Variants in DNAJB14 observed in about 807,000 individuals in gnomAD.
DNAJB14 encodes the protein dnaJ homolog subfamily B member 14.
In DNAJB14, 22 loss-of-function variants were observed where a neutral mutation model predicts 48.4. That is an observed-to-expected ratio of 0.45 (90% CI 0.32 to 0.65). The LOEUF (loss-of-function observed/expected upper bound fraction) is 0.65, where lower values mean the gene tolerates loss of function less well. Among genes scored for constraint, DNAJB14 ranks in the 30% least tolerant of loss-of-function variants. DNAJB14 has a pLI of 0.03. For synonymous variants in DNAJB14, 142 were observed against 158.7 expected (o/e 0.89, Z 0.79); for missense variants, 319 against 458.8 (o/e 0.70, Z 2.78).
chr4:99,904,046 C>T (rs569277186), intron 6 of DNAJB14, 148 bp from the exon 7 acceptor site: 51 of 839,678 alleles, frequency 6.1e-5, no homozygotes, highest in Admixed American at 2.0e-4. Context: ...CTCTGAAATC[C>T]GAAATGCTCT....
intron 1 of DNAJB14, among the ~76,000 whole-genome samples, chr4:99,944,554 C>T (rs565002325): frequency 1.2e-4 from 18 of 151,134 alleles, no homozygotes; most frequent in Middle Eastern, 3.4e-3. Context: ...AGTTTTTTTA[C>T]TGTAGCTTTT....
chr4:99,945,974 G>C (rs78374504), intron 1 of DNAJB14, among the ~76,000 whole-genome samples: 1,865 of 152,310 alleles, frequency 0.012, 13 homozygotes, highest in Middle Eastern at 0.041. Flanking sequence ...TTTGGGAACA[G>C]TTTTCTACAG....
intron 3 of DNAJB14, among the ~76,000 whole-genome samples, chr4:99,912,715 G>A (rs1402544338): frequency 1.3e-5 from 2 of 152,150 alleles, no homozygotes; most frequent in African/African-American, 4.8e-5. Flanking sequence ...CCGATCTCAG[G>A]TGATCTGCCC....
intron 3 of DNAJB14, among the ~76,000 whole-genome samples, chr4:99,914,396 A>T (rs1725775333): frequency 6.6e-6 from 1 of 152,190 alleles, no homozygotes; most frequent in Non-Finnish European, 1.5e-5. Context: ...TCGCAAGGAC[A>T]AAAAACCAAA....
chr4:99,915,707 G>A (rs1367609561), intron 3 of DNAJB14, among the ~76,000 whole-genome samples: 1 of 152,152 alleles, frequency 6.6e-6, no homozygotes, highest in Non-Finnish European at 1.5e-5. Flanking sequence ...GTCTGCTGTT[G>A]TTGAGCGGTA....
rs891265818 is a variant in DNAJB14 at position 99,922,843 on chromosome 4, G to C, written c.451+197C>G. ...GAGACTGTATCAGAACTGGAATGTT[G>C]CTTTTGTGAAGCCAAACTGCATTTG... is the stretch of plus-strand genomic sequence containing the variant. On this transcript the variant is annotated intron_variant, in intron 3 of 7. Coordinates refer to ENST00000442697, the MANE Select transcript of DNAJB14 (RefSeq NM_001031723.4). 4 of 518,660 alleles carry C rather than the reference G, an allele frequency of 7.7e-6. No homozygotes were observed. In the African/African-American group the frequency reaches 7.8e-5, roughly 10 times the overall value. The allele number at this position is 518,660 out of a possible 1,614,324, so 32.1% of individuals were successfully genotyped here.
At chr4:99,906,338 C>T (rs1160948037) in intron 5 of DNAJB14, among the ~76,000 whole-genome samples, 179 bp downstream of exon 5, 4 of 152,134 alleles carry the variant, frequency 2.6e-5, no homozygotes, top group Non-Finnish European at 5.9e-5. Flanking sequence ...CCAACCACCC[C>T]TGGCTGACCT....
chr4:99,924,535 A>G, intron 2 of DNAJB14: 2 of 459,330 alleles, frequency 4.4e-6, no homozygotes, highest in Non-Finnish European at 7.2e-6. Context: ...ACTTAAAAAC[A>G]TTAACATACA....
chr4:99,945,629 C>T (rs1389777881), intron 1 of DNAJB14, among the ~76,000 whole-genome samples: 3 of 152,090 alleles, frequency 2.0e-5, no homozygotes, highest in Admixed American at 6.6e-5. Flanking sequence ...CAAATGAATC[C>T]TGCACCTCTA....
intron 1 of DNAJB14, among the ~76,000 whole-genome samples, chr4:99,935,424 G>A (rs1456872380): frequency 3.3e-5 from 5 of 152,154 alleles, no homozygotes; most frequent in African/African-American, 1.2e-4. Flanking sequence ...TAGAATGAAT[G>A]GAGCTTAGTT....
chr4:99,911,347 T>C (rs1725653787), intron 3 of DNAJB14, among the ~76,000 whole-genome samples: 1 of 152,148 alleles, frequency 6.6e-6, no homozygotes, highest in South Asian at 2.1e-4. Flanking sequence ...ATAAAATTGC[T>C]ATATATATTC....
Position 99,903,785 on chromosome 4 carries a change from C to A in DNAJB14, c.956G>T (p.Ser319Ile). 6.2e-7 allele frequency: 1 copy of A among 1,612,778 alleles called. No individual in the cohort carries two copies. The highest frequency in any genetic ancestry group is 8.5e-7 in the Non-Finnish European group (1 of 1,179,338). ...ATTAGTCACATAATCTTCCTCCACA[C>A]TCTTTTCTACCTTTTGTAATAACAT... ...KGMLLQKVEKSVEEDYVTNIR... is the reference protein window; with the variant it reads ...KGMLLQKVEKIVEEDYVTNIR... The change falls in exon 7 of 8, where the codon AGT becomes ATT. Residue 319 changes from serine to isoleucine, a missense_variant. By Grantham distance (142) the Ser-to-Ile change is moderately radical. This residue lies in a region of DNAJB14 where 166 missense variants were observed against 236.3 expected (regional missense o/e 0.70). Coordinates refer to ENST00000442697, the MANE Select transcript of DNAJB14 (RefSeq NM_001031723.4).
At chr4:99,918,517 A>G (rs910514212) in intron 3 of DNAJB14, among the ~76,000 whole-genome samples, 3 of 152,162 alleles carry the variant, frequency 2.0e-5, no homozygotes, top group African/African-American at 7.2e-5. Context: ...TCTTATTTAC[A>G]TATTTTGTTT....
At chr4:99,901,190 AT>A in intron 7 of DNAJB14, 38 bp from the exon 8 acceptor site, 2 of 1,548,540 alleles carry the variant, frequency 1.3e-6, no homozygotes, top group Non-Finnish European at 1.7e-6. Context: ...ATTGAATAAA[AT>A]TTTTGTCACC....
chr4:99,898,843 T>C lies in DNAJB14; in HGVS notation c.*2185A>G, dbSNP rs1415997460. On this transcript the variant is annotated 3_prime_UTR_variant, in exon 8 of 8. Transcript: ENST00000442697. ...TCAAGATATCCAAACTCTTCTTACT[T>C]TATAAAGTTAACTCCAAATTATAAG... is the stretch of plus-strand genomic sequence containing the variant. 1 of 151,934 alleles carries C rather than the reference T, an allele frequency of 6.6e-6. No individual in the cohort carries two copies. Among genetic ancestry groups the C allele is most frequent in the African/African-American group, 2.4e-5 (1 of 41,436 alleles). The allele number at this position is 151,934 out of a possible 1,614,324, so 9.4% of individuals were successfully genotyped here.
chr4:99,904,065 A>T (rs933411008), intron 6 of DNAJB14, among the ~76,000 whole-genome samples, 167 bp from the exon 7 acceptor site: 11 of 152,154 alleles, frequency 7.2e-5, no homozygotes, highest in Non-Finnish European at 1.0e-4. Flanking sequence ...CTAAAATCTA[A>T]GACTTTCTGA....
chr4:99,906,455 A>T (rs1225223676), intron 5 of DNAJB14, 62 bp downstream of exon 5: 1 of 1,490,072 alleles, frequency 6.7e-7, no homozygotes, highest in African/African-American at 1.4e-5. Context: ...CTTTTCAGAC[A>T]ACTCTAATTA....
Position 99,897,571 on chromosome 4 carries a change from A to G in DNAJB14, c.*3457T>C, listed in dbSNP as rs1160637315. 1 of 151,994 alleles carries G rather than the reference A, an allele frequency of 6.6e-6. No homozygotes were observed. The highest frequency in any genetic ancestry group is 2.4e-5 in the African/African-American group (1 of 41,442). The allele number at this position is 151,994 out of a possible 1,614,324, so 9.4% of individuals were successfully genotyped here. A position where few individuals can be genotyped will look rare whatever the true frequency, so the allele number is the denominator to read the frequency against. On this transcript the variant is annotated 3_prime_UTR_variant, in exon 8 of 8. Coordinates refer to ENST00000442697, the MANE Select transcript of DNAJB14 (RefSeq NM_001031723.4). The stretch of plus-strand genomic sequence containing the variant: ...TTTGTAACTAAAAATTAGAATTTAA[A>G]ATGTTGGAAATTATTGCCAGACAAG...
rs61741259 is a variant in DNAJB14 at position 99,923,069 on chromosome 4, T to C, written c.422A>G (p.His141Arg). 7.0e-3 allele frequency: 11,276 copies of C among 1,609,836 alleles called. 613 individuals carry two copies. In the African/African-American group the frequency reaches 0.12, roughly 18 times the overall value. The part of the protein sequence containing the change: ...LALKFHPDKN[H>R]APGATDAFKK... ...AAAAGCATCTGTTGCTCCAGGTGCA[T>C]GGTTTTTGTCTGGATGAAACTTCAA... Residue 141 changes from histidine to arginine, a missense_variant, in exon 3 of 8, where the codon CAT becomes CGT. By Grantham distance (29) the His-to-Arg change is conservative. This residue lies in a region of DNAJB14 where 37 missense variants were observed against 87.8 expected (regional missense o/e 0.42). Transcript: ENST00000442697.
Sources: allele counts gnomAD v4.1 joint callset (sites outside exome capture counted in the v4.1 genomes callset), GRCh38; gene constraint gnomAD v4.1.1; regional missense constraint gnomAD v4.1.1; transcripts MANE v1.5; gene names NCBI Gene and HGNC (gene_info 2026-07-23, HGNC 2026-07-21).